The following COL27A1 variants were observed in gnomAD, a reference collection of about 807,000 sequenced individuals.
COL27A1 encodes collagen type XXVII alpha 1 chain.
COL27A1 carries 106 observed loss-of-function variants against 251.3 expected under a neutral mutation model. The ratio of observed to expected loss-of-function variants is 0.42; its 90% CI spans 0.36 to 0.50. The LOEUF (loss-of-function observed/expected upper bound fraction) is 0.50, where lower values mean the gene tolerates loss of function less well. Ranked by LOEUF, COL27A1 falls within the 20% of genes least tolerant of loss-of-function variation. The probability of loss-of-function intolerance (pLI) is 0.00; values close to 1 mark genes in which losing one functional copy is unlikely to be tolerated. For synonymous variants in COL27A1, 1,000 were observed against 986.3 expected (o/e 1.01, Z -0.26); for missense variants, 2,325 against 2,522.8 (o/e 0.92, Z 1.68).
chr9:114,185,878 C>A (rs968785431), intron 5 of COL27A1, among the ~76,000 whole-genome samples: 2 of 152,214 alleles, frequency 1.3e-5, no homozygotes, highest in African/African-American at 2.4e-5. Flanking sequence ...GTGCTTATGG[C>A]CTTGTGGGAA....
In COL27A1 at chr9:114,168,813, C is replaced by T. The variant is rs375099559; in HGVS notation, c.1258C>T (p.Arg420Cys). ...CCGTCCAGTTCCTGCCAGAGTCTCC[C>T]GTCCCGCAGAGAAGCCCATCCAGAG... is the stretch of plus-strand genomic sequence containing the variant. ...TSRPVPARVS[R>C]PAEKPIQRNP... Residue 420 changes from arginine (R) to cysteine (C), a missense_variant, in exon 3 of 61, where the codon CGT (arginine) becomes TGT (cysteine). Transcript: ENST00000356083. 5.9e-5 allele frequency: 95 copies of T among 1,613,910 alleles called. No homozygotes were observed. In the East Asian group the frequency reaches 1.8e-3, roughly 30 times the overall value.
intron 5 of COL27A1, among the ~76,000 whole-genome samples, chr9:114,193,692 G>A (rs979406033): frequency 3.3e-5 from 5 of 152,150 alleles, no homozygotes; most frequent in Admixed American, 2.0e-4. Context: ...TGCCAACTGT[G>A]AAGGGCTGTA....
At chr9:114,178,251 G>T in intron 3 of COL27A1, 40 bp from the exon 4 acceptor site, 1 of 1,560,128 alleles carries the variant, frequency 6.4e-7, no homozygotes, top group South Asian at 1.1e-5. Context: ...TCTGCTGCCA[G>T]TGGGCACTGT....
At chr9:114,246,825 G>A (rs1164981766) in intron 24 of COL27A1, among the ~76,000 whole-genome samples, 1 of 152,068 alleles carries the variant, frequency 6.6e-6, no homozygotes, top group East Asian at 1.9e-4. Flanking sequence ...GGGAAGCCCG[G>A]GAGTTTGGAG....
intron 5 of COL27A1, among the ~76,000 whole-genome samples, chr9:114,191,808 C>T (rs905751782): frequency 5.3e-5 from 8 of 152,172 alleles, no homozygotes; most frequent in Non-Finnish European, 1.2e-4. Context: ...TTATTCCTAC[C>T]GTGCCTTAGC....
chr9:114,245,024 A>C (rs573435420), intron 23 of COL27A1, among the ~76,000 whole-genome samples: 4 of 152,180 alleles, frequency 2.6e-5, no homozygotes, highest in African/African-American at 4.8e-5. Flanking sequence ...GACTCACCCC[A>C]GCCACCCGTG....
chr9:114,298,186 G>A (rs1212077162), intron 49 of COL27A1, among the ~76,000 whole-genome samples: 1 of 150,518 alleles, frequency 6.6e-6, no homozygotes, highest in Non-Finnish European at 1.5e-5. Flanking sequence ...TCAAAATGTT[G>A]ATGAAATAAA....
rs572443634 is a variant in COL27A1, at chr9:114,292,690, C to T, written c.4584+480C>T. On this transcript the variant is annotated intron_variant, in intron 49 of 60. Coordinates refer to ENST00000356083, the MANE Select transcript of COL27A1 (RefSeq NM_032888.4). ...ATGAAAAAGCAAGACCCAACTACAT[C>T]TGCTGCTACAAGAAATCCACTTCAA... 2.9e-4 allele frequency among the ~76,000 whole-genome samples: 44 copies of T among 152,330 alleles called. 1 individual carries two copies. The highest frequency in any genetic ancestry group is 6.8e-3 in the Middle Eastern group (2 of 294).
chr9:114,270,174 G>A (rs7469304), intron 35 of COL27A1, among the ~76,000 whole-genome samples: 3,340 of 152,300 alleles, frequency 0.022, 127 homozygotes, highest in African/African-American at 0.076. Flanking sequence ...ATGGTTGCCA[G>A]GTATGGGGCG....
intron 17 of COL27A1, among the ~76,000 whole-genome samples, chr9:114,235,942 C>G (rs1057018632): frequency 6.6e-6 from 1 of 152,176 alleles, no homozygotes; most frequent in African/African-American, 2.4e-5. Context: ...CGCTCACACA[C>G]CGTCCATGGC....
chr9:114,207,077 G>T (rs1830019072), intron 10 of COL27A1, among the ~76,000 whole-genome samples: 1 of 152,220 alleles, frequency 6.6e-6, no homozygotes, highest in African/African-American at 2.4e-5. Context: ...GCCTAAGGCG[G>T]ATCTGGGATG....
At chr9:114,259,922 G>A (rs1037662158) in intron 28 of COL27A1, among the ~76,000 whole-genome samples, 2 of 152,044 alleles carry the variant, frequency 1.3e-5, no homozygotes, top group African/African-American at 4.8e-5. Flanking sequence ...CTGAGCAGCC[G>A]GCCTGGAAGA....
At chr9:114,292,319 T>C in intron 49 of COL27A1, 109 bp downstream of exon 49, 1 of 894,210 alleles carries the variant, frequency 1.1e-6, no homozygotes. Context: ...ACAAACACAC[T>C]GACCCAGAAG....
chr9:114,190,220 C>A (rs1027885511), intron 5 of COL27A1, among the ~76,000 whole-genome samples: 5 of 152,166 alleles, frequency 3.3e-5, no homozygotes, highest in African/African-American at 1.2e-4. Flanking sequence ...GATACTGAGA[C>A]CAAGGATGAC....
intron 12 of COL27A1, among the ~76,000 whole-genome samples, chr9:114,216,626 T>C (rs1830731560): frequency 6.6e-6 from 1 of 152,124 alleles, no homozygotes; most frequent in African/African-American, 2.4e-5. Context: ...ACGTCTCGGG[T>C]CCTTTCATCC....
chr9:114,255,221 G>C (rs1013904437), intron 27 of COL27A1, among the ~76,000 whole-genome samples: 1 of 152,180 alleles, frequency 6.6e-6, no homozygotes, highest in African/African-American at 2.4e-5. Flanking sequence ...GAAGCAGGGG[G>C]TCAGAGGACC....
At chr9:114,294,247 C>CAAA (rs58536000) in intron 49 of COL27A1, among the ~76,000 whole-genome samples, 990 of 83,762 alleles carry the variant, frequency 0.012, 16 homozygotes, top group African/African-American at 0.043. Flanking sequence ...GACTCTGTCT[C>CAAA]AAAAAAAAAA....
At chr9:114,196,632 C>CAGGGGA (rs199851882) in intron 7 of COL27A1, among the ~76,000 whole-genome samples, 2 of 152,204 alleles carry the variant, frequency 1.3e-5, no homozygotes, top group South Asian at 4.1e-4. Context: ...TGATGCTCTG[C>CAGGGGA]AGGGGAAGGG....
chr9:114,300,424 A>G, intron 50 of COL27A1: 1 of 583,134 alleles, frequency 1.7e-6, no homozygotes, highest in Non-Finnish European at 3.0e-6. Flanking sequence ...CCAGGGGCAT[A>G]TGCCACACAG....
Sources: allele counts gnomAD v4.1 joint callset (sites outside exome capture counted in the v4.1 genomes callset), GRCh38; gene constraint gnomAD v4.1.1; transcripts MANE v1.5; gene names NCBI Gene and HGNC (gene_info 2026-07-23, HGNC 2026-07-21).